ANKRD26: variants seen among roughly 807,000 people sequenced by gnomAD.
ANKRD26 encodes the protein ankyrin repeat domain-containing protein 26.
ANKRD26 carries 141 observed loss-of-function variants against 208.7 expected under a neutral mutation model. The ratio of observed to expected loss-of-function variants is 0.68; its 90% CI spans 0.59 to 0.78. The LOEUF (loss-of-function observed/expected upper bound fraction) is 0.78. ANKRD26 is among the 30% of genes least tolerant of loss of function. The probability of loss-of-function intolerance (pLI) is 0.00; values close to 1 mark genes in which losing one functional copy is unlikely to be tolerated. For missense variants in ANKRD26, 1,889 were observed against 1,938.7 expected, an observed-to-expected ratio of 0.97 and a Z score of 0.48; for synonymous variants, 636 against 660.4, an observed-to-expected ratio of 0.96 and a Z score of 0.57.
At chr10:27,054,823 G>T (rs1018200156) in intron 15 of ANKRD26, among the ~76,000 whole-genome samples, 1 of 152,154 alleles carries the variant, frequency 6.6e-6, no homozygotes, top group African/African-American at 2.4e-5. Flanking sequence ...GCAGAAAGGG[G>T]AAAGGGCTAA....
downstream of ANKRD26, among the ~76,000 whole-genome samples, chr10:26,973,649 CTTTT>C (rs71386903): frequency 1.1e-5 from 1 of 88,428 alleles, no homozygotes; most frequent in East Asian, 3.9e-4. Flanking sequence ...TTTATTTGTC[CTTTT>C]TTTTTTTTTT....
At chr10:26,984,332 T>C (rs2052352732) in intron 3 of ANKRD26, among the ~76,000 whole-genome samples, 1 of 152,094 alleles carries the variant, frequency 6.6e-6, no homozygotes, top group South Asian at 2.1e-4. Context: ...AAGTCAAAGG[T>C]TGATATTGTT....
At chr10:27,086,835 G>A (rs546196422) in intron 4 of ANKRD26, among the ~76,000 whole-genome samples, 100 of 132,366 alleles carry the variant, frequency 7.6e-4, no homozygotes, top group Non-Finnish European at 1.3e-3. Flanking sequence ...ACAGTGGTAT[G>A]ATATTGGCAC....
chr10:27,066,765 T>A (rs1211357366), intron 10 of ANKRD26, among the ~76,000 whole-genome samples: 1 of 152,032 alleles, frequency 6.6e-6, no homozygotes, highest in African/African-American at 2.4e-5. Flanking sequence ...TTAAAATGAA[T>A]ATAATATTTG....
the ANKRD26 span, among the ~76,000 whole-genome samples, chr10:26,964,443 G>T: frequency 3.3e-5 from 5 of 152,062 alleles, no homozygotes; most frequent in African/African-American, 1.2e-4. Flanking sequence ...TATCATTTTG[G>T]CTTTGCTCAA....
intron 5 of ANKRD26, among the ~76,000 whole-genome samples, chr10:26,992,718 T>C (rs2052512839): frequency 6.6e-6 from 1 of 152,196 alleles, no homozygotes; most frequent in South Asian, 2.1e-4. Context: ...ATTATTATTA[T>C]TATTCCTATT....
intron 4 of ANKRD26, among the ~76,000 whole-genome samples, chr10:27,087,030 C>A (rs1477655596): frequency 6.6e-6 from 1 of 152,028 alleles, no homozygotes; most frequent in Non-Finnish European, 1.5e-5. Context: ...CCTTGGCCTC[C>A]CAAAGTGCTG....
intron 32 of ANKRD26, among the ~76,000 whole-genome samples, chr10:27,011,105 A>G (rs1589210701): frequency 6.6e-6 from 1 of 152,200 alleles, no homozygotes; most frequent in African/African-American, 2.4e-5. Flanking sequence ...CTCATTTAAC[A>G]TGAGTCTACA....
rs542574231 is a variant in ANKRD26, at chr10:27,042,701, G to A, written c.2161+725C>T. The stretch of plus-strand genomic sequence containing the variant: ...CCAGGAGGCAGACCTTGCAGTGAGC[G>A]GAGATCGCGCCACTGCACTCCAGCC... On this transcript the variant is annotated intron_variant, in intron 20 of 33. Coordinates refer to ENST00000376087, the MANE Select transcript of ANKRD26 (RefSeq NM_014915.3). 1.7e-4 allele frequency among the ~76,000 whole-genome samples: 25 copies of A among 151,204 alleles called. No individual in the cohort carries two copies. The South Asian group carries it at 3.1e-3, about 19-fold the overall frequency.
Position 27,051,159 on chromosome 10 carries a change from TC to T in ANKRD26, c.1635+2160del, listed in dbSNP as rs1324703436. 15 of 1,290,114 alleles carry T rather than the reference TC, an allele frequency of 1.2e-5. No homozygotes were observed. In the Admixed American group the frequency reaches 3.4e-4, roughly 30 times the overall value. The allele number at this position is 1,290,114 out of a possible 1,614,324, so 79.9% of individuals were successfully genotyped here. ...CCTTTGCATATCTTGCTGTAATTCT[TC>T]TTTTAGAGATACTTTTGATGTTCTG... On this transcript the variant is annotated intron_variant, in intron 16 of 33. Transcript: ENST00000376087.
the ANKRD26 span, among the ~76,000 whole-genome samples, chr10:26,951,079 A>G: frequency 1.1e-5 from 1 of 89,638 alleles, no homozygotes; most frequent in African/African-American, 5.4e-5. Flanking sequence ...TTGGTTATTC[A>G]TTTTTGTAAA....
At chr10:26,959,324 C>A in the ANKRD26 span, among the ~76,000 whole-genome samples, 14 of 149,926 alleles carry the variant, frequency 9.3e-5, no homozygotes, top group Non-Finnish European at 1.3e-4. Context: ...CTTGGAGAGG[C>A]GAAATGAACG....
At chr10:27,022,528 T>G in intron 29 of ANKRD26, 30 bp downstream of exon 29, 1 of 1,457,598 alleles carries the variant, frequency 6.9e-7, no homozygotes, top group Middle Eastern at 2.4e-4. Context: ...TTAAGTGACT[T>G]TTTTGGTCCC....
At chr10:26,974,647 G>C (rs1376911289) in exon 6 of ANKRD26, among the ~76,000 whole-genome samples, 3 of 152,006 alleles carry the variant, frequency 2.0e-5, no homozygotes, top group African/African-American at 7.2e-5. Flanking sequence ...GCCTACCTCT[G>C]CATGTTTATC....
intron 11 of ANKRD26, among the ~76,000 whole-genome samples, chr10:27,065,835 T>C (rs1460611242): frequency 6.8e-6 from 1 of 147,270 alleles, no homozygotes; most frequent in Non-Finnish European, 1.5e-5. Context: ...CACTTGGCCA[T>C]AGGCTAACCT....
chr10:27,049,014 T>G (rs1379458958), intron 16 of ANKRD26, 35 bp from the exon 17 acceptor site: 1 of 1,496,002 alleles, frequency 6.7e-7, no homozygotes, highest in Non-Finnish European at 9.1e-7. Context: ...GAATTGCTAT[T>G]ACTTTATTCA....
At chr10:27,010,735 T>C (rs1306451407) in intron 32 of ANKRD26, among the ~76,000 whole-genome samples, 2 of 152,192 alleles carry the variant, frequency 1.3e-5, no homozygotes, top group Non-Finnish European at 2.9e-5. Flanking sequence ...CTTGAACTCC[T>C]GAGCTCAGGT....
intron 4 of ANKRD26, among the ~76,000 whole-genome samples, chr10:26,995,656 C>T (rs538781817): frequency 3.3e-5 from 5 of 152,292 alleles, no homozygotes; most frequent in African/African-American, 7.2e-5. Flanking sequence ...AGTTAAACTA[C>T]GCTCACTCTA....
intron 25 of ANKRD26, chr10:27,030,557 C>G: frequency 1.0e-6 from 1 of 985,334 alleles, no homozygotes; most frequent in Non-Finnish European, 1.2e-6. Context: ...AGCTGGAGCT[C>G]TTTGGGTGGG....
Sources: gnomAD v4.1 joint callset for allele counts (sites outside exome capture counted in the v4.1 genomes callset) on GRCh38, gnomAD v4.1.1 for gene constraint, MANE v1.5 for transcripts, NCBI Gene and HGNC (gene_info 2026-07-23, HGNC 2026-07-21) for gene names.